Variants in ZBTB20 observed in about 807,000 individuals in gnomAD.
ZBTB20 encodes zinc finger and BTB domain-containing protein 20.
Under a neutral mutation model 56.9 loss-of-function variants are expected in ZBTB20, and 9 were observed. That is an observed-to-expected ratio of 0.16 (90% CI 0.10 to 0.28). The LOEUF is 0.28. Ranked by LOEUF, ZBTB20 falls within the 10% of genes least tolerant of loss-of-function variation. ZBTB20 has a pLI of 1.00. For synonymous variants in ZBTB20, 417 were observed against 420.7 expected (o/e 0.99, Z 0.11); for missense variants, 655 against 1,003.0 (o/e 0.65, Z 4.69).
At chr3:114,421,215 A>C (rs1307339727) in intron 7 of ZBTB20, among the ~76,000 whole-genome samples, 1 of 152,072 alleles carries the variant, frequency 6.6e-6, no homozygotes, top group Non-Finnish European at 1.5e-5. Flanking sequence ...CAAATGGTAA[A>C]GTTCTCACTT....
At chr3:114,389,712 A>G (rs2085601607) in intron 7 of ZBTB20, among the ~76,000 whole-genome samples, 1 of 118,542 alleles carries the variant, frequency 8.4e-6, no homozygotes, top group African/African-American at 3.2e-5. Flanking sequence ...ACACAGTGAA[A>G]CCCCGTCTCT....
intron 4 of ZBTB20, among the ~76,000 whole-genome samples, chr3:114,870,188 T>A (rs561419350): frequency 6.6e-6 from 1 of 152,228 alleles, no homozygotes; most frequent in East Asian, 1.9e-4. Context: ...CTTATGGGGA[T>A]CTTGATTAAT....
intron 7 of ZBTB20, among the ~76,000 whole-genome samples, chr3:114,448,984 T>A (rs540700342): frequency 3.3e-5 from 5 of 152,252 alleles, no homozygotes; most frequent in African/African-American, 1.2e-4. Context: ...TGACTGACAC[T>A]GAAAGGTGAT....
chr3:114,808,819 T>G (rs1489886028), intron 4 of ZBTB20, among the ~76,000 whole-genome samples: 1 of 152,110 alleles, frequency 6.6e-6, no homozygotes, highest in East Asian at 1.9e-4. Context: ...TTTTTATCAT[T>G]TCATTTCCAC....
At chr3:114,699,750 G>A (rs2063280519) in intron 5 of ZBTB20, among the ~76,000 whole-genome samples, 1 of 151,924 alleles carries the variant, frequency 6.6e-6, no homozygotes. Flanking sequence ...TAAGCATTCT[G>A]GCAATATGTC....
intron 1 of ZBTB20, among the ~76,000 whole-genome samples, chr3:115,086,569 G>A (rs886825421): frequency 1.3e-5 from 2 of 151,790 alleles, no homozygotes; most frequent in African/African-American, 4.8e-5. Context: ...AAGTAGACAG[G>A]ACACAGTTGT....
intron 3 of ZBTB20, among the ~76,000 whole-genome samples, chr3:114,924,319 G>A (rs576386392): frequency 3.3e-5 from 5 of 152,072 alleles, no homozygotes; most frequent in Non-Finnish European, 1.5e-5. Flanking sequence ...TCCATCAATG[G>A]GTAAAGCGGA....
chr3:114,369,156 G>T (rs1179795304), intron 10 of ZBTB20, among the ~76,000 whole-genome samples: 1 of 152,096 alleles, frequency 6.6e-6, no homozygotes, highest in African/African-American at 2.4e-5. Flanking sequence ...AGGGAAGAAC[G>T]TGATTACAGT....
chr3:114,414,176 T>C (rs1485914311), intron 7 of ZBTB20, among the ~76,000 whole-genome samples: 1 of 152,146 alleles, frequency 6.6e-6, no homozygotes, highest in African/African-American at 2.4e-5. Flanking sequence ...CTATAATGTA[T>C]ATTAACAGAA....
chr3:114,373,959 C>T (rs1355283008), intron 10 of ZBTB20, among the ~76,000 whole-genome samples: 1 of 152,110 alleles, frequency 6.6e-6, no homozygotes, highest in Non-Finnish European at 1.5e-5. Flanking sequence ...TACAAAGTTT[C>T]AAGACCTGTG....
At chr3:114,514,618 T>C (rs781755706) in intron 6 of ZBTB20, among the ~76,000 whole-genome samples, 3 of 152,164 alleles carry the variant, frequency 2.0e-5, no homozygotes, top group Non-Finnish European at 4.4e-5. Flanking sequence ...AATCCAATAG[T>C]AAGTAATGGG....
At chr3:114,977,273 G>A (rs1357242942) in intron 2 of ZBTB20, among the ~76,000 whole-genome samples, 25 of 152,158 alleles carry the variant, frequency 1.6e-4, no homozygotes, top group Admixed American at 1.5e-3. Context: ...AAAAATCTTT[G>A]TTGTCCTGAA....
rs985326967 is a variant in ZBTB20, at chr3:114,330,230, A to G, written c.*8775T>C. On this transcript the variant is annotated 3_prime_UTR_variant, in exon 12 of 12. Transcript: ENST00000675478. ...CTCTAAAGACAATACTGAAGCTGATAATATAAAAAGCAAATTAGAGCACTA... is the reference window on the plus strand; with the variant it reads ...CTCTAAAGACAATACTGAAGCTGATGATATAAAAAGCAAATTAGAGCACTA... 6.6e-6 allele frequency: 1 copy of G among 152,240 alleles called. No individual in the cohort carries two copies. Among genetic ancestry groups the G allele is most frequent in the Non-Finnish European group, 1.5e-5 (1 of 68,032 alleles). 9.4% of individuals were successfully genotyped at this position (152,240 alleles called of 1,614,324 possible). A position where few individuals can be genotyped will look rare whatever the true frequency, so the allele number is the denominator to read the frequency against.
At chr3:114,622,704 G>A (rs1402461981) in intron 6 of ZBTB20, among the ~76,000 whole-genome samples, 1 of 152,162 alleles carries the variant, frequency 6.6e-6, no homozygotes, top group Admixed American at 6.5e-5. Context: ...ACGCTGGATC[G>A]CTGTACCTAC....
intron 5 of ZBTB20, among the ~76,000 whole-genome samples, chr3:114,718,621 C>T (rs71321421): frequency 0.036 from 5,473 of 152,012 alleles, 152 homozygotes; most frequent in Non-Finnish European, 0.058. Flanking sequence ...ATATCCAAAC[C>T]CACTTTTGGA....
intron 6 of ZBTB20, among the ~76,000 whole-genome samples, chr3:114,647,098 A>C (rs923435967): frequency 6.6e-6 from 1 of 152,060 alleles, no homozygotes; most frequent in Non-Finnish European, 1.5e-5. Context: ...AGCTGGGACC[A>C]CAGGCACCTG....
At chr3:114,442,729 G>A (rs1179928732) in intron 7 of ZBTB20, among the ~76,000 whole-genome samples, 5 of 151,800 alleles carry the variant, frequency 3.3e-5, no homozygotes, top group Non-Finnish European at 5.9e-5. Context: ...CCTCTTTTTC[G>A]TTTTCTTGCT....
At chr3:114,721,559 C>T (rs1007808627) in intron 5 of ZBTB20, among the ~76,000 whole-genome samples, 1 of 152,056 alleles carries the variant, frequency 6.6e-6, no homozygotes, top group Admixed American at 6.6e-5. Flanking sequence ...CCATGCTAAC[C>T]CTAAGAGGTA....
intron 7 of ZBTB20, among the ~76,000 whole-genome samples, chr3:114,492,728 G>A (rs965792054): frequency 5.9e-5 from 9 of 151,972 alleles, no homozygotes; most frequent in African/African-American, 2.4e-5. Flanking sequence ...TTAGATTAAC[G>A]TGCAGTTGTA....
Sources: allele counts gnomAD v4.1 joint callset (sites outside exome capture counted in the v4.1 genomes callset), GRCh38; gene constraint gnomAD v4.1.1; transcripts MANE v1.5; gene names NCBI Gene and HGNC (gene_info 2026-07-23, HGNC 2026-07-21).